PTPRD: variants seen among roughly 807,000 people sequenced by gnomAD.
PTPRD encodes the protein protein tyrosine phosphatase receptor type D, also known as receptor-type tyrosine-protein phosphatase delta.
In PTPRD, 34 loss-of-function variants were observed where a neutral mutation model predicts 214.5. The observed-to-expected ratio is 0.16, with a 90% CI of 0.12 to 0.21. The LOEUF is 0.21. PTPRD is among the 10% of genes least tolerant of loss of function. The pLI, the probability that PTPRD is intolerant of heterozygous loss-of-function variation, is 1.00. For missense variants in PTPRD, 2,545 were observed against 2,398.7 expected (o/e 1.06, Z -1.27); for synonymous variants, 1,128 against 845.7 (o/e 1.33, Z -5.79).
At chr9:10,276,812 G>A (rs10959000) in intron 3 of PTPRD, among the ~76,000 whole-genome samples, 12,542 of 152,216 alleles carry the variant, frequency 0.082, 588 homozygotes, top group East Asian at 0.21. Context: ...ACTTTTAGAG[G>A]TGAGAAAAGC....
At chr9:9,558,211 A>G (rs1469613473) in intron 8 of PTPRD, among the ~76,000 whole-genome samples, 1 of 152,180 alleles carries the variant, frequency 6.6e-6, no homozygotes, top group African/African-American at 2.4e-5. Flanking sequence ...AAGCCTGTAC[A>G]GTGTTAGCAG....
At chr9:10,001,073 C>A (rs1217406077) in intron 4 of PTPRD, among the ~76,000 whole-genome samples, 1 of 151,898 alleles carries the variant, frequency 6.6e-6, no homozygotes, top group Non-Finnish European at 1.5e-5. Flanking sequence ...TAGCGGGGAG[C>A]TTTTTTTTCT....
At chr9:10,593,363 T>C (rs2075957370) in intron 2 of PTPRD, among the ~76,000 whole-genome samples, 1 of 152,038 alleles carries the variant, frequency 6.6e-6, no homozygotes, top group African/African-American at 2.4e-5. Context: ...GAGTGATTAC[T>C]CACGAGGACA....
chr9:10,563,673 T>A (rs113284412), intron 2 of PTPRD, among the ~76,000 whole-genome samples: 7 of 36,616 alleles, frequency 1.9e-4, no homozygotes, highest in African/African-American at 3.1e-4. Context: ...TCATCGTTAT[T>A]TTTTTTTATC....
In PTPRD at chr9:9,357,436, A is replaced by G. The variant is rs191200052; in HGVS notation, c.-203+40013T>C. Among the ~76,000 whole-genome samples, 386 of 151,408 alleles carry G rather than the reference A, an allele frequency of 2.5e-3. 6 individuals are homozygous for G. The highest frequency in any genetic ancestry group is 8.6e-3 in the African/African-American group (355 of 41,430). On this transcript the variant is annotated intron_variant, in intron 9 of 45. Transcript: ENST00000381196. ...TTTGTCACATGGAGGATGATCTTGT[A>G]TGTAATCATTAGGTCTGAAATGAGG... is the stretch of plus-strand genomic sequence containing the variant.
chr9:9,804,572 C>G (rs907122893), intron 5 of PTPRD, among the ~76,000 whole-genome samples: 1 of 152,066 alleles, frequency 6.6e-6, no homozygotes, highest in African/African-American at 2.4e-5. Flanking sequence ...TTTATTTCAA[C>G]CAGTTCTTGG....
At chr9:9,769,961 G>A (rs1281614914) in intron 5 of PTPRD, among the ~76,000 whole-genome samples, 3 of 152,164 alleles carry the variant, frequency 2.0e-5, no homozygotes, top group Admixed American at 2.0e-4. Flanking sequence ...TGGCTGCATA[G>A]TATTCCATGG....
chr9:9,019,716 C>A (rs1047542958), intron 10 of PTPRD, among the ~76,000 whole-genome samples: 2 of 152,060 alleles, frequency 1.3e-5, no homozygotes, highest in African/African-American at 4.8e-5. Context: ...AAAACAACAA[C>A]AACAACATGG....
At chr9:8,643,149 TGTTA>T (rs962160061) in intron 12 of PTPRD, among the ~76,000 whole-genome samples, 2 of 152,198 alleles carry the variant, frequency 1.3e-5, no homozygotes, top group African/African-American at 4.8e-5. Context: ...CAAAACCACC[TGTTA>T]GTTTTAAAAT....
intron 7 of PTPRD, among the ~76,000 whole-genome samples, chr9:9,590,313 T>C (rs1285750069): frequency 3.3e-5 from 5 of 152,028 alleles, no homozygotes; most frequent in African/African-American, 1.2e-4. Context: ...TTTACTAATA[T>C]ATCCAAAGTG....
At chr9:8,693,776 A>G (rs1251708130) in intron 12 of PTPRD, among the ~76,000 whole-genome samples, 1 of 152,232 alleles carries the variant, frequency 6.6e-6, no homozygotes, top group African/African-American at 2.4e-5. Flanking sequence ...AGCAAAGCAA[A>G]GCTGAGAAAA....
intron 10 of PTPRD, among the ~76,000 whole-genome samples, chr9:9,077,892 A>C (rs764121077): frequency 1.1e-4 from 17 of 152,104 alleles, no homozygotes; most frequent in Non-Finnish European, 2.2e-4. Flanking sequence ...AACTTGAATG[A>C]GCTCTAAAAT....
intron 11 of PTPRD, among the ~76,000 whole-genome samples, chr9:8,804,933 G>C (rs1053806292): frequency 7.2e-5 from 11 of 152,134 alleles, no homozygotes; most frequent in Admixed American, 2.0e-4. Flanking sequence ...ATTTGAAAGA[G>C]AATCCTGGTG....
intron 5 of PTPRD, among the ~76,000 whole-genome samples, chr9:9,821,307 A>G (rs2050640145): frequency 6.6e-6 from 1 of 152,158 alleles, no homozygotes; most frequent in Non-Finnish European, 1.5e-5. Flanking sequence ...GAGACATTTA[A>G]CCACTGAAAT....
chr9:8,493,619 G>C (rs775875389), intron 26 of PTPRD, among the ~76,000 whole-genome samples: 2 of 152,066 alleles, frequency 1.3e-5, no homozygotes, highest in African/African-American at 2.4e-5. Flanking sequence ...TTGGTTATTT[G>C]TATAGGCTAT....
chr9:10,594,042 T>C (rs1032404861), intron 2 of PTPRD, among the ~76,000 whole-genome samples: 1 of 151,940 alleles, frequency 6.6e-6, no homozygotes, highest in Non-Finnish European at 1.5e-5. Context: ...GCTATAAGAA[T>C]AACTAAACTT....
chr9:9,590,304 T>G (rs2092589517), intron 7 of PTPRD, among the ~76,000 whole-genome samples: 1 of 152,014 alleles, frequency 6.6e-6, no homozygotes, highest in Non-Finnish European at 1.5e-5. Flanking sequence ...TTTGCTCCCT[T>G]TACTAATATA....
chr9:8,373,742 G>T (rs955767486), intron 39 of PTPRD, among the ~76,000 whole-genome samples: 1 of 151,336 alleles, frequency 6.6e-6, no homozygotes, highest in Non-Finnish European at 1.5e-5. Flanking sequence ...ATCTGTCACG[G>T]TGCCTAGCAT....
chr9:9,177,590 T>C (rs889988962), intron 10 of PTPRD, among the ~76,000 whole-genome samples: 1 of 152,132 alleles, frequency 6.6e-6, no homozygotes, highest in African/African-American at 2.4e-5. Context: ...AATGATTATG[T>C]CTAATGCTTG....
Sources: gnomAD v4.1 joint callset for allele counts (sites outside exome capture counted in the v4.1 genomes callset) on GRCh38, gnomAD v4.1.1 for gene constraint, MANE v1.5 for transcripts, NCBI Gene and HGNC (gene_info 2026-07-23, HGNC 2026-07-21) for gene names.